Variants in PCP4L1 observed in about 807,000 individuals in gnomAD.
The protein encoded by PCP4L1 is Purkinje cell protein 4 like 1.
In PCP4L1, 9 loss-of-function variants were observed where a neutral mutation model predicts 9.6. The ratio of observed to expected loss-of-function variants is 0.94; its 90% CI spans 0.57 to 1.64. PCP4L1 has a LOEUF of 1.64. Among genes scored for constraint, PCP4L1 ranks in the 40% most tolerant of loss-of-function variants. The pLI is 0.00. For synonymous variants in PCP4L1, 31 were observed against 28.2 expected (o/e 1.10, Z -0.31); for missense variants, 81 against 80.8 (o/e 1.00, Z -0.01).
intron 1 of PCP4L1, among the ~76,000 whole-genome samples, chr1:161,261,043 G>T (rs1197917856): frequency 1.3e-5 from 2 of 152,124 alleles, no homozygotes; most frequent in Non-Finnish European, 2.9e-5. Flanking sequence ...AGGTGGAAGT[G>T]TTGCCCAGAG....
At chr1:161,260,293 G>A (rs760860309) in intron 1 of PCP4L1, among the ~76,000 whole-genome samples, 2 of 152,134 alleles carry the variant, frequency 1.3e-5, no homozygotes, top group Non-Finnish European at 2.9e-5. Flanking sequence ...TGGAAAATTC[G>A]GCTAGTCTGG....
At chr1:161,281,235 C>T (rs1483692526) in intron 1 of PCP4L1, among the ~76,000 whole-genome samples, 1 of 152,044 alleles carries the variant, frequency 6.6e-6, no homozygotes, top group African/African-American at 2.4e-5. Flanking sequence ...TCTCCCATGT[C>T]TACTTCTTTC....
intron 1 of PCP4L1, 47 bp downstream of exon 1, chr1:161,259,030 G>A: frequency 2.6e-6 from 4 of 1,521,886 alleles, no homozygotes; most frequent in Non-Finnish European, 3.5e-6. Context: ...GCGGCGGGGA[G>A]GGTGCTGCGG....
chr1:161,268,791 C>T (rs946295848), intron 1 of PCP4L1, among the ~76,000 whole-genome samples: 13 of 152,174 alleles, frequency 8.5e-5, no homozygotes, highest in African/African-American at 3.1e-4. Context: ...TCAAATGATC[C>T]ACCCGCCTTG....
chr1:161,258,884 C>T lies in PCP4L1; in HGVS notation c.-91C>T, dbSNP rs2102228088. The T allele has an allele frequency of 6.6e-7, 1 of 1,523,650 alleles. No homozygotes were observed. The highest frequency in any genetic ancestry group is 8.8e-7 in the Non-Finnish European group (1 of 1,135,912). 94.4% of individuals were successfully genotyped at this position (1,523,650 alleles called of 1,614,324 possible). On this transcript the variant is annotated 5_prime_UTR_variant, in exon 1 of 3. Transcript: ENST00000504449. Reference sequence around the variant, plus strand: ...CAGCTGTAACCCCTGCCGCAGAGCCCGGCAACTTTCAGCTGTCGCCCGCGG... The same window carrying T: ...CAGCTGTAACCCCTGCCGCAGAGCCTGGCAACTTTCAGCTGTCGCCCGCGG...
Position 161,284,997 on chromosome 1 carries a change from C to T in PCP4L1, c.*516C>T, listed in dbSNP as rs1384458596. On this transcript the variant is annotated 3_prime_UTR_variant, in exon 3 of 3. Coordinates refer to ENST00000504449, the MANE Select transcript of PCP4L1 (RefSeq NM_001102566.2). ...GAGCCTCGTTTTCCCCCTAGGCAGA[C>T]CTAAATCAAGCAGCTTACCACAATA... 6.3e-6 allele frequency: 1 copy of T among 158,458 alleles called. No homozygotes were observed. Among genetic ancestry groups the T allele is most frequent in the African/African-American group, 2.4e-5 (1 of 41,462 alleles). The allele number at this position is 158,458 out of a possible 1,614,324, so 9.8% of individuals were successfully genotyped here.
chr1:161,259,976 GGTT>G (rs1313137634), intron 1 of PCP4L1, among the ~76,000 whole-genome samples: 1 of 152,192 alleles, frequency 6.6e-6, no homozygotes, highest in African/African-American at 2.4e-5. Flanking sequence ...GGATAATACT[GGTT>G]GTTGTAATAA....
chr1:161,268,492 A>T (rs531103270), intron 1 of PCP4L1, among the ~76,000 whole-genome samples: 5 of 151,552 alleles, frequency 3.3e-5, no homozygotes, highest in African/African-American at 9.7e-5. Flanking sequence ...TGGAATAATA[A>T]CTATTTATTG....
At chr1:161,263,899 C>CTTT (rs1160429112) in intron 1 of PCP4L1, among the ~76,000 whole-genome samples, 9 of 70,792 alleles carry the variant, frequency 1.3e-4, no homozygotes, top group Admixed American at 1.7e-4. Context: ...ACTTTCTTTC[C>CTTT]TTTTTTTTTT....
rs778504500 is a variant in PCP4L1, at chr1:161,284,396, C to G, written c.122C>G (p.Thr41Arg). The G allele has an allele frequency of 6.2e-7, 1 of 1,613,938 alleles. No individual in the cohort carries two copies. Among genetic ancestry groups the G allele is most frequent in the South Asian group, 1.1e-5 (1 of 91,082 alleles). ...GAGGAGGAGATTGACATTGATCTGA[C>G]AGCACCAGAAACAGAGAAGGCTGCC... ...EEEEEIDIDLTAPETEKAALA... is the reference protein window; with the variant it reads ...EEEEEIDIDLRAPETEKAALA... Residue 41 changes from threonine to arginine, a missense_variant, in exon 3 of 3, where the codon ACA (threonine) becomes AGA (arginine). Transcript: ENST00000504449.
At chr1:161,282,496 A>G (rs564121425) in intron 1 of PCP4L1, among the ~76,000 whole-genome samples, 29 of 152,206 alleles carry the variant, frequency 1.9e-4, no homozygotes, top group South Asian at 6.2e-4. Flanking sequence ...CCTCTTCTCT[A>G]TCTGAACTCA....
chr1:161,275,119 G>T lies in PCP4L1; in HGVS notation c.10-8549G>T, dbSNP rs191129266. Among the ~76,000 whole-genome samples, 7 of 152,306 alleles carry T rather than the reference G, an allele frequency of 4.6e-5. No homozygotes were observed. The East Asian group carries it at 7.7e-4, about 17-fold the overall frequency. ...CTGGCAGGGCAGAGGGAAAGTGGCA[G>T]CCTGTGTGGTTTAGTCCTGACACAC... On this transcript the variant is annotated intron_variant, in intron 1 of 2. Transcript: ENST00000504449.
intron 1 of PCP4L1, among the ~76,000 whole-genome samples, chr1:161,261,967 G>A (rs1014598455): frequency 3.3e-5 from 5 of 152,216 alleles, no homozygotes; most frequent in Non-Finnish European, 5.9e-5. Context: ...TTCCCAACAA[G>A]GGAAGTTCAG....
chr1:161,259,202 T>TG (rs1669378509), intron 1 of PCP4L1, among the ~76,000 whole-genome samples: 1 of 152,080 alleles, frequency 6.6e-6, no homozygotes, highest in African/African-American at 2.4e-5. Context: ...ACGGCGCTTT[T>TG]GGGGGTAATT....
intron 1 of PCP4L1, among the ~76,000 whole-genome samples, chr1:161,281,987 C>G (rs996779341): frequency 1.3e-5 from 2 of 152,158 alleles, no homozygotes; most frequent in Non-Finnish European, 2.9e-5. Context: ...GATGGGGTGG[C>G]AGCCAGGCAG....
At position 161,269,718 on chromosome 1, in the gene PCP4L1, G is replaced by T. The variant is rs536326384; in HGVS notation, c.9+10735G>T. On this transcript the variant is annotated intron_variant, in intron 1 of 2. Coordinates refer to ENST00000504449, the MANE Select transcript of PCP4L1 (RefSeq NM_001102566.2). ...TTTTAGGCCGTATTAAGGATTTTGG[G>T]CTGAGTGTGGTAGCTCACACCTATA... 2.6e-5 allele frequency among the ~76,000 whole-genome samples: 4 copies of T among 152,318 alleles called. No individual in the cohort carries two copies. In the East Asian group the frequency reaches 7.7e-4, roughly 29 times the overall value.
chr1:161,283,752 G>C (rs748849154), intron 2 of PCP4L1, 30 bp downstream of exon 2: 1 of 1,587,496 alleles, frequency 6.3e-7, no homozygotes, highest in Non-Finnish European at 8.6e-7. Context: ...GCAGTTTGTA[G>C]AGCAGGTGAC....
rs1669363645 is a variant in PCP4L1, at chr1:161,258,786, G to A, written c.-189G>A. 3 of 912,856 alleles carry A rather than the reference G, an allele frequency of 3.3e-6. No homozygotes were observed. The highest frequency in any genetic ancestry group is 1.7e-5 in the African/African-American group (1 of 58,976). The allele number at this position is 912,856 out of a possible 1,614,324, so 56.5% of individuals were successfully genotyped here. A position where few individuals can be genotyped will look rare whatever the true frequency, so the allele number is the denominator to read the frequency against. ...ACGGGTCGCAGGGGGTCGCCTGGCC[G>A]GAGCTGGGCTCCGAGAATCCCGGGT... On this transcript the variant is annotated 5_prime_UTR_variant, in exon 1 of 3. Transcript: ENST00000504449.
chr1:161,269,697 A>G (rs1669590322), intron 1 of PCP4L1, among the ~76,000 whole-genome samples: 1 of 152,096 alleles, frequency 6.6e-6, no homozygotes, highest in South Asian at 2.1e-4. Flanking sequence ...AGAGCCTTTT[A>G]GGCCGTATTA....
Sources: gnomAD v4.1 joint callset for allele counts (sites outside exome capture counted in the v4.1 genomes callset) on GRCh38, gnomAD v4.1.1 for gene constraint, MANE v1.5 for transcripts, NCBI Gene and HGNC (gene_info 2026-07-23, HGNC 2026-07-21) for gene names.